The following RPS6KC1 variants were observed in gnomAD, a reference collection of about 807,000 sequenced individuals.
RPS6KC1 encodes the protein ribosomal protein S6 kinase C1, also known as inactive ribosomal protein S6 kinase delta-1.
RPS6KC1 carries 54 observed loss-of-function variants against 103.8 expected under a neutral mutation model. The observed-to-expected ratio is 0.52, with a 90% confidence interval of 0.42 to 0.65. RPS6KC1 has a LOEUF of 0.65. RPS6KC1 is among the 30% of genes least tolerant of loss of function. The pLI is 0.00. For synonymous variants in RPS6KC1, 439 were observed against 438.7 expected (o/e 1.00, Z -0.01); for missense variants, 1,151 against 1,253.8 (o/e 0.92, Z 1.24).
the RPS6KC1 span, among the ~76,000 whole-genome samples, chr1:213,404,035 G>C: frequency 6.6e-6 from 1 of 152,186 alleles, no homozygotes; most frequent in Non-Finnish European, 1.5e-5. Context: ...GGGTAGAGCT[G>C]AGAAGGCCCT....
the RPS6KC1 span, among the ~76,000 whole-genome samples, chr1:213,843,870 AT>A: frequency 2.6e-5 from 4 of 151,672 alleles, no homozygotes; most frequent in Non-Finnish European, 4.4e-5. Context: ...TTTAAATATT[AT>A]TTTTTTATGG....
the RPS6KC1 span, among the ~76,000 whole-genome samples, chr1:213,338,791 G>T: frequency 6.8e-6 from 1 of 146,366 alleles, no homozygotes; most frequent in Non-Finnish European, 1.5e-5. Context: ...TTTTTTGAGA[G>T]ACAAGGTGTC....
At chr1:213,844,702 T>A in the RPS6KC1 span, among the ~76,000 whole-genome samples, 4 of 152,094 alleles carry the variant, frequency 2.6e-5, no homozygotes, top group African/African-American at 7.2e-5. Flanking sequence ...GATGATGCAT[T>A]TATAAGGTAT....
At chr1:213,729,134 A>G in the RPS6KC1 span, among the ~76,000 whole-genome samples, 6 of 151,972 alleles carry the variant, frequency 3.9e-5, no homozygotes, top group East Asian at 1.9e-4. Flanking sequence ...GGACAATTCA[A>G]TGCCAGAGGT....
At position 213,077,815 on chromosome 1, in the gene RPS6KC1, T is replaced by G. The variant is rs905868077; in HGVS notation, c.261T>G (p.Phe87Leu). The G allele has an allele frequency of 4.0e-6, 6 of 1,514,722 alleles. No individual in the cohort carries two copies. Among genetic ancestry groups the G allele is most frequent in the Non-Finnish European group, 5.3e-6 (6 of 1,127,244 alleles). 93.8% of individuals were successfully genotyped at this position (1,514,722 alleles called of 1,614,324 possible). ...CTCCATTTGCTAAAGGAATAGTGTT[T>G]GGTAAGTGATTATTTTGAAATTGTA... ...LFPPFAKGIV[F>L]GRFDETVIEE... The change falls in exon 3 of 15, where the codon TTT becomes TTG. Residue 87 changes from phenylalanine to leucine, a missense_variant and splice_region_variant. Physicochemically the swap from Phe to Leu is conservative, Grantham distance 22. Transcript: ENST00000366960.
chr1:213,114,063 G>A (rs1356485953), intron 4 of RPS6KC1, among the ~76,000 whole-genome samples: 1 of 151,842 alleles, frequency 6.6e-6, no homozygotes, highest in Non-Finnish European at 1.5e-5. Context: ...GGTTCCATAT[G>A]AACTTTAAAG....
At chr1:213,855,498 C>T in the RPS6KC1 span, among the ~76,000 whole-genome samples, 2 of 152,190 alleles carry the variant, frequency 1.3e-5, no homozygotes, top group Non-Finnish European at 2.9e-5. Flanking sequence ...TCTTCCCTCT[C>T]CACTGGAACA....
the RPS6KC1 span, among the ~76,000 whole-genome samples, chr1:213,636,540 G>T: frequency 6.6e-6 from 1 of 152,138 alleles, no homozygotes; most frequent in East Asian, 1.9e-4. Context: ...AATAAATGGT[G>T]CTGGGAGAAC....
the RPS6KC1 span, among the ~76,000 whole-genome samples, chr1:213,692,611 C>A: frequency 6.6e-6 from 1 of 152,108 alleles, no homozygotes; most frequent in Admixed American, 6.6e-5. Context: ...TTCGGAGGGG[C>A]CACATGTGCA....
chr1:213,761,285 A>T, the RPS6KC1 span, among the ~76,000 whole-genome samples: 1 of 152,182 alleles, frequency 6.6e-6, no homozygotes, highest in Non-Finnish European at 1.5e-5. Context: ...CTGAGGATGC[A>T]TGTTGTTTAG....
the RPS6KC1 span, among the ~76,000 whole-genome samples, chr1:213,292,917 G>T: frequency 2.6e-5 from 4 of 152,168 alleles, no homozygotes; most frequent in African/African-American, 7.2e-5. Context: ...AAATCAGGCA[G>T]ACCTCCTCTT....
chr1:213,212,225 T>C (rs1029669347), intron 8 of RPS6KC1, among the ~76,000 whole-genome samples: 5 of 152,208 alleles, frequency 3.3e-5, no homozygotes, highest in Non-Finnish European at 7.3e-5. Context: ...ATCTCTGTGC[T>C]CTGCCTGTTC....
chr1:213,087,476 A>T (rs1245785444), intron 3 of RPS6KC1, among the ~76,000 whole-genome samples: 1 of 152,082 alleles, frequency 6.6e-6, no homozygotes, highest in Non-Finnish European at 1.5e-5. Context: ...TTAGCTTCAA[A>T]TCTCTTTCTT....
chr1:213,475,033 C>T, the RPS6KC1 span, among the ~76,000 whole-genome samples: 1 of 152,156 alleles, frequency 6.6e-6, no homozygotes, highest in African/African-American at 2.4e-5. Flanking sequence ...CTCACGGAAG[C>T]TGTGAGGAGG....
the RPS6KC1 span, among the ~76,000 whole-genome samples, chr1:213,670,443 C>A: frequency 5.4e-4 from 82 of 152,272 alleles, no homozygotes; most frequent in African/African-American, 1.9e-3. Context: ...AGCTCAGAGC[C>A]TTTAAAATGA....
chr1:213,355,086 C>T, the RPS6KC1 span, among the ~76,000 whole-genome samples: 502 of 152,144 alleles, frequency 3.3e-3, 1 homozygote, highest in Non-Finnish European at 5.1e-3. Flanking sequence ...GGTGTGGTGG[C>T]GTATGCCTAT....
chr1:213,720,754 G>T, the RPS6KC1 span, among the ~76,000 whole-genome samples: 2 of 152,150 alleles, frequency 1.3e-5, no homozygotes, highest in Non-Finnish European at 2.9e-5. Flanking sequence ...GAAAAATGAA[G>T]AAACTACTGC....
chr1:213,150,466 C>T (rs980315010), intron 6 of RPS6KC1, among the ~76,000 whole-genome samples: 22 of 149,064 alleles, frequency 1.5e-4, no homozygotes, highest in African/African-American at 5.4e-4. Context: ...TGCGGCCTTC[C>T]GCAGTGTTTG....
chr1:213,767,016 G>C, the RPS6KC1 span, among the ~76,000 whole-genome samples: 1 of 151,854 alleles, frequency 6.6e-6, no homozygotes, highest in African/African-American at 2.4e-5. Context: ...ATTGATCCTT[G>C]CTTTGTAAAT....
Sources: allele counts gnomAD v4.1 joint callset (sites outside exome capture counted in the v4.1 genomes callset), GRCh38; gene constraint gnomAD v4.1.1; transcripts MANE v1.5; gene names NCBI Gene and HGNC (gene_info 2026-07-23, HGNC 2026-07-21).